WDFY3: variants seen among roughly 807,000 people sequenced by gnomAD.
WDFY3 encodes the protein WD repeat and FYVE domain containing 3.
A neutral mutation model predicts 409.6 loss-of-function variants in WDFY3; 66 were observed. The observed-to-expected ratio is 0.16, with a 90% confidence interval of 0.13 to 0.20. The LOEUF (loss-of-function observed/expected upper bound fraction) is 0.20. Ranked by LOEUF, WDFY3 falls within the 10% of genes least tolerant of loss-of-function variation. WDFY3 has a pLI of 1.00. For synonymous variants in WDFY3, 1,521 were observed against 1,537.1 expected (o/e 0.99, Z 0.25); for missense variants, 3,031 against 4,298.1 (o/e 0.71, Z 8.24).
At chr4:84,825,219 A>C (rs1754678951) in intron 10 of WDFY3, among the ~76,000 whole-genome samples, 1 of 152,214 alleles carries the variant, frequency 6.6e-6, no homozygotes, top group African/African-American at 2.4e-5. Flanking sequence ...CATCACATTG[A>C]TAAACCAAAT....
chr4:84,754,515 GA>G (rs1207305550), intron 34 of WDFY3, among the ~76,000 whole-genome samples: 13 of 152,170 alleles, frequency 8.5e-5, no homozygotes, highest in African/African-American at 3.1e-4. Context: ...AGTTTTGACT[GA>G]AATTAGATTT....
intron 40 of WDFY3, among the ~76,000 whole-genome samples, chr4:84,738,306 A>G (rs1470728287): frequency 6.6e-6 from 1 of 152,100 alleles, no homozygotes; most frequent in African/African-American, 2.4e-5. Context: ...TTGAAAAAAA[A>G]AAGAGAGGGG....
chr4:84,801,765 G>T lies in WDFY3; in HGVS notation c.2707C>A (p.Arg903=), dbSNP rs377599690. The T allele has an allele frequency of 7.4e-6, 12 of 1,613,936 alleles. No homozygotes were observed. Among genetic ancestry groups the T allele is most frequent in the Non-Finnish European group, 1.0e-5 (12 of 1,180,038 alleles). The change falls in exon 17 of 68, where the codon CGA becomes AGA. Residue 903 remains arginine (R), a synonymous_variant. Coordinates refer to ENST00000295888, the MANE Select transcript of WDFY3 (RefSeq NM_014991.6). The stretch of plus-strand genomic sequence containing the variant: ...GCAGCACTGCACCTCTGCAGCAGTC[G>T]TGCATGAAGACCAGCTTCACACATG... ...QVMCEAGLHA[R]LLQRCSAALA...
chr4:84,810,817 AG>A (rs1752366260), intron 13 of WDFY3, among the ~76,000 whole-genome samples: 1 of 152,230 alleles, frequency 6.6e-6, no homozygotes, highest in African/African-American at 2.4e-5. Context: ...TTCATGCTTT[AG>A]AAAGCAGATT....
chr4:84,805,294 C>T (rs1378343961), intron 15 of WDFY3, among the ~76,000 whole-genome samples: 1 of 151,990 alleles, frequency 6.6e-6, no homozygotes, highest in Non-Finnish European at 1.5e-5. Flanking sequence ...ATAAGAAATA[C>T]TCAACCTGTA....
At chr4:84,774,004 G>A (rs1745130059) in intron 29 of WDFY3, among the ~76,000 whole-genome samples, 1 of 152,226 alleles carries the variant, frequency 6.6e-6, no homozygotes. Context: ...ATAGGCGTGA[G>A]CCACTGCACC....
At chr4:84,958,068 T>A (rs1022045422) in intron 1 of WDFY3, among the ~76,000 whole-genome samples, 12 of 152,220 alleles carry the variant, frequency 7.9e-5, no homozygotes, top group African/African-American at 2.7e-4. Flanking sequence ...TCTCTAAGTA[T>A]TTGGCATTTC....
intron 1 of WDFY3, among the ~76,000 whole-genome samples, chr4:84,944,446 C>G (rs544392329): frequency 1.3e-5 from 2 of 152,234 alleles, no homozygotes; most frequent in South Asian, 4.1e-4. Context: ...GTGGGAGAAT[C>G]ACTTGAACCT....
rs759038870 is a variant in WDFY3, at chr4:84,810,019, G to A, written c.2213C>T (p.Pro738Leu). The change falls in exon 14 of 68, where the codon CCC becomes CTC. Residue 738 changes from proline to leucine, a missense_variant. Physicochemically the swap from Pro to Leu is moderately conservative, Grantham distance 98. Transcript: ENST00000295888. The part of the protein sequence containing the change: ...LRKISAMNVF[P>L]SNTQPFQRLL... ...TCTTTGAAATGGCTGTGTATTTGAG[G>A]GGAAGACATTCATGGCGCTTATTTT... is the stretch of plus-strand genomic sequence containing the variant. 2.5e-6 allele frequency: 4 copies of A among 1,614,132 alleles called. No individual in the cohort carries two copies. The highest frequency in any genetic ancestry group is 2.2e-5 in the East Asian group (1 of 44,886).
At chr4:84,760,198 C>T (rs1352894850) in intron 32 of WDFY3, among the ~76,000 whole-genome samples, 5 of 151,900 alleles carry the variant, frequency 3.3e-5, no homozygotes, top group Admixed American at 6.6e-5. Flanking sequence ...CTGCTGGATT[C>T]GGTTTGCCAG....
chr4:84,849,652 A>T (rs1001373742), intron 5 of WDFY3: 3 of 294,248 alleles, frequency 1.0e-5, no homozygotes, highest in Admixed American at 5.3e-5. Flanking sequence ...TCAAAGGGAA[A>T]CAGAGTATTT....
chr4:84,694,147 T>A (rs537115240), intron 58 of WDFY3, among the ~76,000 whole-genome samples: 1 of 152,304 alleles, frequency 6.6e-6, no homozygotes, highest in East Asian at 1.9e-4. Flanking sequence ...GACTCTCAAA[T>A]CTTTAAATGT....
At chr4:84,809,717 AC>A (rs1414832513) in intron 14 of WDFY3, 169 bp downstream of exon 14, 69 of 585,032 alleles carry the variant, frequency 1.2e-4, no homozygotes, top group African/African-American at 6.4e-4. Flanking sequence ...AAAAAAAAAA[AC>A]AATACCAGAG....
At chr4:84,679,874 GTATA>G (rs377394669) in intron 64 of WDFY3, among the ~76,000 whole-genome samples, 9 of 146,994 alleles carry the variant, frequency 6.1e-5, no homozygotes, top group East Asian at 4.0e-4. Context: ...ACGTACGTGT[GTATA>G]TATATATATA....
chr4:84,742,431 GCTCT>G (rs1183284221), intron 37 of WDFY3, among the ~76,000 whole-genome samples: 3 of 152,056 alleles, frequency 2.0e-5, no homozygotes, highest in African/African-American at 4.8e-5. Flanking sequence ...ATTACCATCA[GCTCT>G]CTCTCTTTCT....
chr4:84,692,025 C>G (rs1729352655), intron 59 of WDFY3, among the ~76,000 whole-genome samples: 1 of 152,198 alleles, frequency 6.6e-6, no homozygotes, highest in South Asian at 2.1e-4. Context: ...TCTGGGCACT[C>G]TCTGGTTTGG....
chr4:84,696,869 A>C (rs937924968), intron 56 of WDFY3, 46 bp from the exon 57 acceptor site: 1 of 1,524,892 alleles, frequency 6.6e-7, no homozygotes, highest in Non-Finnish European at 9.1e-7. Flanking sequence ...AAAGAATGGG[A>C]TAAATGGTAA....
intron 3 of WDFY3, among the ~76,000 whole-genome samples, chr4:84,863,236 C>T (rs1560951195): frequency 6.6e-6 from 1 of 152,132 alleles, no homozygotes; most frequent in Non-Finnish European, 1.5e-5. Flanking sequence ...TGGAAATATA[C>T]CCAGAAATGA....
intron 56 of WDFY3, among the ~76,000 whole-genome samples, chr4:84,700,519 A>T (rs1160829079): frequency 6.6e-6 from 1 of 152,134 alleles, no homozygotes; most frequent in Non-Finnish European, 1.5e-5. Flanking sequence ...ACTGTTTTTT[A>T]AAGTATGCTA....
Sources: gnomAD v4.1 joint callset for allele counts (sites outside exome capture counted in the v4.1 genomes callset) on GRCh38, gnomAD v4.1.1 for gene constraint, MANE v1.5 for transcripts, NCBI Gene and HGNC (gene_info 2026-07-23, HGNC 2026-07-21) for gene names.